Variants in FAM13B observed in about 807,000 individuals in gnomAD.
The protein encoded by FAM13B is protein FAM13B.
In FAM13B, 60 loss-of-function variants were observed where a neutral mutation model predicts 117.3. That is an observed-to-expected ratio of 0.51 (90% confidence interval 0.42 to 0.63). The LOEUF is 0.63. FAM13B is among the 30% of genes least tolerant of loss of function. The pLI is 0.00. For synonymous variants in FAM13B, 332 were observed against 356.1 expected (o/e 0.93, Z 0.76); for missense variants, 972 against 1,091.9 (o/e 0.89, Z 1.55).
upstream of FAM13B, among the ~76,000 whole-genome samples, chr5:138,033,409 C>T (rs957175529): frequency 1.3e-5 from 2 of 152,220 alleles, no homozygotes; most frequent in Admixed American, 6.5e-5. Context: ...GCCCCCAGGG[C>T]GCCCATATCC....
intron 18 of FAM13B, among the ~76,000 whole-genome samples, chr5:137,947,255 A>T (rs28727470): frequency 0.23 from 34,879 of 151,822 alleles, 4,223 homozygotes; most frequent in African/African-American, 0.28. Flanking sequence ...ATTGAAGATT[A>T]AAAAAAAATT....
At chr5:138,049,162 G>A (rs1314670679) in intron 1 of FAM13B, among the ~76,000 whole-genome samples, 1 of 152,088 alleles carries the variant, frequency 6.6e-6, no homozygotes, top group Non-Finnish European at 1.5e-5. Context: ...GGCTGGTCTC[G>A]AACTCCTGGC....
intron 1 of FAM13B, among the ~76,000 whole-genome samples, chr5:138,031,887 C>T (rs902979716): frequency 3.9e-5 from 6 of 152,064 alleles, no homozygotes; most frequent in African/African-American, 1.4e-4. Context: ...AATTCAAAAC[C>T]ACCCTTTAAT....
intron 1 of FAM13B, among the ~76,000 whole-genome samples, chr5:138,025,015 C>T (rs1787906922): frequency 6.6e-6 from 1 of 151,830 alleles, no homozygotes; most frequent in Non-Finnish European, 1.5e-5. Context: ...AGATCATAGG[C>T]ACGTGCCACC....
At chr5:137,998,866 C>T (rs4571464) in intron 7 of FAM13B, among the ~76,000 whole-genome samples, 112,346 of 152,130 alleles carry the variant, frequency 0.74, 42,141 homozygotes, top group East Asian at 0.97. Context: ...ATCCTTTGAA[C>T]GGTGGAGGTA....
chr5:137,983,092 G>A (rs758597328), intron 10 of FAM13B, among the ~76,000 whole-genome samples: 1 of 147,550 alleles, frequency 6.8e-6, no homozygotes, highest in Non-Finnish European at 1.5e-5. Context: ...CTGAGAAATG[G>A]GCCCTGGGCC....
intron 10 of FAM13B, among the ~76,000 whole-genome samples, chr5:137,976,053 G>C (rs111862789): frequency 2.1e-4 from 30 of 139,956 alleles, no homozygotes; most frequent in African/African-American, 7.5e-4. Flanking sequence ...TCCGCCTCCC[G>C]GGTTCATGCC....
chr5:138,019,182 G>A, intron 2 of FAM13B, 36 bp from the exon 3 acceptor site: 3 of 1,560,108 alleles, frequency 1.9e-6, no homozygotes, highest in Non-Finnish European at 2.6e-6. Flanking sequence ...AGACTATAAT[G>A]ATTAACAGGT....
At chr5:138,032,098 A>C (rs1015061172) in intron 1 of FAM13B, among the ~76,000 whole-genome samples, 2 of 152,222 alleles carry the variant, frequency 1.3e-5, no homozygotes, top group African/African-American at 4.8e-5. Flanking sequence ...AACTGATTAC[A>C]AACAAAAAGG....
intron 1 of FAM13B, among the ~76,000 whole-genome samples, chr5:138,026,165 A>G (rs1311765915): frequency 1.3e-5 from 2 of 152,226 alleles, no homozygotes; most frequent in Non-Finnish European, 2.9e-5. Flanking sequence ...TACTTTCATT[A>G]TATCCATTTT....
At chr5:138,026,721 C>T (rs558815362) in intron 1 of FAM13B, among the ~76,000 whole-genome samples, 1 of 149,428 alleles carries the variant, frequency 6.7e-6, no homozygotes, top group South Asian at 2.1e-4. Context: ...GGGTGGATCA[C>T]CCAAGATCAG....
chr5:138,046,672 C>A (rs115247948), intron 1 of FAM13B, among the ~76,000 whole-genome samples: 20 of 152,310 alleles, frequency 1.3e-4, no homozygotes, highest in African/African-American at 4.6e-4. Flanking sequence ...CCAGAAAATA[C>A]ATTTAATTCA....
At position 138,007,273 on chromosome 5, in the gene FAM13B, ATC is replaced by A. The variant is rs1782780262; in HGVS notation, c.691-128_691-127del. 5 of 711,570 alleles carry A rather than the reference ATC, an allele frequency of 7.0e-6. No homozygotes were observed. In the East Asian group the frequency reaches 1.4e-4, roughly 20 times the overall value. The allele number at this position is 711,570 out of a possible 1,614,324, so 44.1% of individuals were successfully genotyped here. ...TTTATTTCCTCATTTCCTAGGACCA[ATC>A]TCTCTTATGGAGTAAGTAACTGTCA... On this transcript the variant is annotated intron_variant, in intron 6 of 23. Coordinates refer to ENST00000689681, the MANE Select transcript of FAM13B (RefSeq NM_001385994.1).
chr5:138,013,085 C>T (rs960324531), intron 4 of FAM13B, among the ~76,000 whole-genome samples: 1 of 152,070 alleles, frequency 6.6e-6, no homozygotes, highest in African/African-American at 2.4e-5. Context: ...CACATGTGCT[C>T]CCAGCTACTC....
intron 17 of FAM13B, 130 bp downstream of exon 17, chr5:137,952,498 A>T: frequency 1.7e-6 from 1 of 605,986 alleles, no homozygotes. Flanking sequence ...AAACAAAAAA[A>T]GGTAACTTTT....
intron 7 of FAM13B, among the ~76,000 whole-genome samples, chr5:137,992,299 G>GA (rs200110855): frequency 0.049 from 6,588 of 135,438 alleles, 274 homozygotes; most frequent in East Asian, 0.14. Flanking sequence ...ACAAAGAATT[G>GA]AAAAAAAAAA....
At chr5:137,944,236 G>A (rs938461916) in intron 20 of FAM13B, among the ~76,000 whole-genome samples, 5 of 151,872 alleles carry the variant, frequency 3.3e-5, no homozygotes, top group Non-Finnish European at 7.4e-5. Context: ...TTGAGTGTAC[G>A]GGTTACCACA....
intron 4 of FAM13B, among the ~76,000 whole-genome samples, chr5:138,015,646 T>C (rs1785082238): frequency 6.6e-6 from 1 of 152,184 alleles, no homozygotes; most frequent in Non-Finnish European, 1.5e-5. Context: ...GAGGTTGCAG[T>C]GGGCCAAGAT....
chr5:137,961,508 A>G (rs1304698339), intron 11 of FAM13B, among the ~76,000 whole-genome samples: 1 of 152,202 alleles, frequency 6.6e-6, no homozygotes, highest in Non-Finnish European at 1.5e-5. Context: ...AGGAAGGACA[A>G]GGAACTGCTA....
Sources: allele counts gnomAD v4.1 joint callset (sites outside exome capture counted in the v4.1 genomes callset), GRCh38; gene constraint gnomAD v4.1.1; transcripts MANE v1.5; gene names NCBI Gene and HGNC (gene_info 2026-07-23, HGNC 2026-07-21).